Variants in RHOBTB1 observed in about 807,000 individuals in gnomAD.
RHOBTB1 encodes the protein Rho related BTB domain containing 1, also known as rho-related BTB domain-containing protein 1.
A neutral mutation model predicts 71.6 loss-of-function variants in RHOBTB1; 40 were observed. That is an observed-to-expected ratio of 0.56 (90% CI 0.43 to 0.73). The LOEUF (loss-of-function observed/expected upper bound fraction) is 0.73, where lower values mean the gene tolerates loss of function less well. RHOBTB1 is among the 30% of genes least tolerant of loss of function. The pLI is 0.00. For missense variants in RHOBTB1, 797 were observed against 894.0 expected (o/e 0.89, Z 1.38); for synonymous variants, 319 against 334.9 (o/e 0.95, Z 0.52).
intron 2 of RHOBTB1, among the ~76,000 whole-genome samples, chr10:60,919,363 T>A (rs1564963107): frequency 6.6e-6 from 1 of 152,210 alleles, no homozygotes; most frequent in African/African-American, 2.4e-5. Flanking sequence ...AGTTGCATAA[T>A]AACTATAGCC....
At chr10:60,957,692 C>A (rs1223143328) in intron 2 of RHOBTB1, among the ~76,000 whole-genome samples, 5 of 152,046 alleles carry the variant, frequency 3.3e-5, no homozygotes, top group Non-Finnish European at 5.9e-5. Flanking sequence ...TTTTGGATAA[C>A]TTGGAAATTT....
intron 7 of RHOBTB1, among the ~76,000 whole-genome samples, chr10:60,880,396 T>C (rs935489615): frequency 1.3e-5 from 2 of 152,120 alleles, no homozygotes; most frequent in East Asian, 3.8e-4. Flanking sequence ...TATTCTCCTA[T>C]GCAGCCACCA....
intron 2 of RHOBTB1, among the ~76,000 whole-genome samples, chr10:60,925,402 C>T (rs1482440831): frequency 6.6e-6 from 1 of 152,046 alleles, no homozygotes; most frequent in Non-Finnish European, 1.5e-5. Flanking sequence ...ACAAACACAA[C>T]ATTCCAAAAC....
chr10:60,986,431 A>ATAT (rs1554860002), intron 1 of RHOBTB1, among the ~76,000 whole-genome samples: 32,102 of 133,932 alleles, frequency 0.24, 4,426 homozygotes, highest in East Asian at 0.45. Context: ...ATATATATAT[A>ATAT]AAATATATAT....
intron 2 of RHOBTB1, among the ~76,000 whole-genome samples, chr10:60,924,737 T>C (rs1295199895): frequency 1.3e-5 from 2 of 152,216 alleles, no homozygotes; most frequent in African/African-American, 4.8e-5. Context: ...GGATAGACCA[T>C]ATGTTAGGCC....
At position 60,930,021 on chromosome 10, in the gene RHOBTB1, G is replaced by A. The variant is rs147637148; in HGVS notation, c.-11+11783C>T. 5.0e-4 allele frequency among the ~76,000 whole-genome samples: 76 copies of A among 152,168 alleles called. 2 individuals carry two copies. In the East Asian group the frequency reaches 0.015, roughly 29 times the overall value. On this transcript the variant is annotated intron_variant, in intron 2 of 10. Coordinates refer to ENST00000337910, the MANE Select transcript of RHOBTB1 (RefSeq NM_014836.5). The stretch of plus-strand genomic sequence containing the variant: ...AACCAAATTCTCTGGCTGCAAAGAA[G>A]TAAATGAAACAATTGAAAGGAAAAG...
intron 10 of RHOBTB1, 60 bp from the exon 11 acceptor site, chr10:60,871,711 A>T: frequency 1.3e-6 from 2 of 1,505,404 alleles, no homozygotes; most frequent in Non-Finnish European, 1.8e-6. Context: ...TTTATGTGCT[A>T]GGCCTTGAGC....
intron 2 of RHOBTB1, among the ~76,000 whole-genome samples, chr10:60,978,740 ACTT>A (rs1205613984): frequency 1.3e-5 from 2 of 152,074 alleles, no homozygotes; most frequent in Admixed American, 6.6e-5. Context: ...TTCTTCTTCT[ACTT>A]CTTCTTTTTC....
At chr10:60,946,444 GT>G (rs2085240009), upstream of RHOBTB1, among the ~76,000 whole-genome samples, 2 of 152,180 alleles carry the variant, frequency 1.3e-5, no homozygotes, top group Admixed American at 6.5e-5. Flanking sequence ...ACAGGGCTGA[GT>G]GGCTTAAAAC....
intron 4 of RHOBTB1, among the ~76,000 whole-genome samples, chr10:60,899,662 A>G (rs2082320266): frequency 6.6e-6 from 1 of 152,228 alleles, no homozygotes; most frequent in South Asian, 2.1e-4. Context: ...CATTTCTTGC[A>G]GAAATAGTAA....
chr10:60,868,460 C>T (rs1405872283), downstream of RHOBTB1, among the ~76,000 whole-genome samples: 1 of 152,186 alleles, frequency 6.6e-6, no homozygotes, highest in African/African-American at 2.4e-5. Context: ...TGTTTTTTCC[C>T]TCTGACTAGT....
At chr10:60,881,364 A>G (rs2081321786) in intron 7 of RHOBTB1, among the ~76,000 whole-genome samples, 1 of 152,194 alleles carries the variant, frequency 6.6e-6, no homozygotes, top group Non-Finnish European at 1.5e-5. Context: ...TTAAAATTTG[A>G]ACCATTTTAA....
At chr10:60,920,325 A>C (rs1469044004) in intron 2 of RHOBTB1, among the ~76,000 whole-genome samples, 1 of 152,160 alleles carries the variant, frequency 6.6e-6, no homozygotes, top group African/African-American at 2.4e-5. Context: ...AAAAAAACCA[A>C]AGGATGTCGA....
intron 2 of RHOBTB1, among the ~76,000 whole-genome samples, chr10:60,961,115 A>G (rs982915086): frequency 2.6e-5 from 4 of 151,926 alleles, no homozygotes; most frequent in Non-Finnish European, 5.9e-5. Context: ...TTCTCAAAGG[A>G]CCCTGGGGCT....
intron 2 of RHOBTB1, among the ~76,000 whole-genome samples, chr10:60,967,883 C>T (rs1360924282): frequency 6.6e-6 from 1 of 152,078 alleles, no homozygotes; most frequent in Non-Finnish European, 1.5e-5. Context: ...AGTTGTTCCA[C>T]TCAAAATGTC....
At chr10:60,970,727 T>C (rs1050853425) in intron 2 of RHOBTB1, among the ~76,000 whole-genome samples, 1 of 152,096 alleles carries the variant, frequency 6.6e-6, no homozygotes, top group Non-Finnish European at 1.5e-5. Flanking sequence ...GCTTTTTTTT[T>C]CTGCTTACTT....
chr10:60,953,773 GA>G lies in RHOBTB1; in HGVS notation c.-61-11920del, dbSNP rs201028853. Among the ~76,000 whole-genome samples, 15 of 147,522 alleles carry G rather than the reference GA, an allele frequency of 1.0e-4. No individual in the cohort carries two copies. In the East Asian group the frequency reaches 1.2e-3, roughly 12 times the overall value. On this transcript the variant is annotated intron_variant, in intron 2 of 11. Transcript: ENST00000357917. Reference sequence around the variant, plus strand: ...TAAAACAGTTGAGGTGGCTAATGATGAAAAAAAAAGCATATATATCCTGAAC... The same window carrying G: ...TAAAACAGTTGAGGTGGCTAATGATGAAAAAAAAGCATATATATCCTGAAC...
chr10:60,977,498 T>C lies in RHOBTB1; in HGVS notation c.-62+8347A>G, dbSNP rs189160536. Among the ~76,000 whole-genome samples, 647 of 152,166 alleles carry C rather than the reference T, an allele frequency of 4.3e-3. 2 individuals carry two copies. Among genetic ancestry groups the C allele is most frequent in the Non-Finnish European group, 7.1e-3 (485 of 67,936 alleles). ...AAGAAGAAAGAGACCAAAAAAGATGTCTCATGATCACAAGCTATTCCACAG... is the reference window on the plus strand; with the variant it reads ...AAGAAGAAAGAGACCAAAAAAGATGCCTCATGATCACAAGCTATTCCACAG... On this transcript the variant is annotated intron_variant, in intron 2 of 11. Transcript: ENST00000357917.
intron 2 of RHOBTB1, among the ~76,000 whole-genome samples, chr10:60,953,533 A>G (rs2085483805): frequency 6.6e-6 from 1 of 152,226 alleles, no homozygotes; most frequent in Non-Finnish European, 1.5e-5. Flanking sequence ...TCCTCTTTTT[A>G]ATAACAGAGG....
Sources: gnomAD v4.1 joint callset for allele counts (sites outside exome capture counted in the v4.1 genomes callset) on GRCh38, gnomAD v4.1.1 for gene constraint, MANE v1.5 for transcripts, NCBI Gene and HGNC (gene_info 2026-07-23, HGNC 2026-07-21) for gene names.